Variants in SAP30BP observed in about 807,000 individuals in gnomAD.
SAP30BP encodes the protein SAP30 binding protein.
In SAP30BP, 31 loss-of-function variants were observed where a neutral mutation model predicts 46.3. The ratio of observed to expected loss-of-function variants is 0.67; its 90% CI spans 0.50 to 0.90. The LOEUF (loss-of-function observed/expected upper bound fraction) is 0.90, where lower values mean the gene tolerates loss of function less well. Ranked by LOEUF, SAP30BP falls within the 40% of genes least tolerant of loss-of-function variation. SAP30BP has a pLI of 0.00. For missense variants in SAP30BP, 312 were observed against 391.0 expected (o/e 0.80, Z 1.70); for synonymous variants, 169 against 144.2 (o/e 1.17, Z -1.23).
At chr17:75,689,985 G>A (rs1179894752) in intron 3 of SAP30BP, among the ~76,000 whole-genome samples, 1 of 152,108 alleles carries the variant, frequency 6.6e-6, no homozygotes, top group Non-Finnish European at 1.5e-5. Context: ...GGGAGGTGAG[G>A]AATGAAAAAT....
intron 8 of SAP30BP, 126 bp from the exon 9 acceptor site, chr17:75,704,630 G>C: frequency 1.3e-6 from 1 of 756,896 alleles, no homozygotes; most frequent in Admixed American, 1.9e-5. Context: ...ATTTTGCCAA[G>C]CACAAAGAAC....
At chr17:75,670,087 G>A (rs2059886107) in intron 2 of SAP30BP, among the ~76,000 whole-genome samples, 1 of 152,172 alleles carries the variant, frequency 6.6e-6, no homozygotes, top group Admixed American at 6.5e-5. Flanking sequence ...ACTTTGGGAG[G>A]CTGAGGTGGG....
rs1397824377 is a variant in SAP30BP, at chr17:75,668,646, C to T, written c.216+21C>T. On this transcript the variant is annotated intron_variant, in intron 2 of 10. Transcript: ENST00000584667. ...AGTCGGTAGGTAAATCTCCCAGATC[C>T]AGAGCTACTGAAAGCACAATTTCAT... 7 of 1,460,112 alleles carry T rather than the reference C, an allele frequency of 4.8e-6. 1 individual carries two copies. Among genetic ancestry groups the T allele is most frequent in the Non-Finnish European group, 9.5e-7 (1 of 1,048,900 alleles). 90.4% of individuals were successfully genotyped at this position (1,460,112 alleles called of 1,614,324 possible).
At chr17:75,677,377 A>G (rs1219060251) in intron 3 of SAP30BP, among the ~76,000 whole-genome samples, 3 of 151,172 alleles carry the variant, frequency 2.0e-5, no homozygotes, top group Admixed American at 2.0e-4. Flanking sequence ...TGCTGGGATT[A>G]CAGATGTGAG....
At chr17:75,674,690 G>GTTGTTTTTTTTTTTTT (rs2059958458) in intron 3 of SAP30BP, among the ~76,000 whole-genome samples, 1 of 39,578 alleles carries the variant, frequency 2.5e-5, no homozygotes, top group African/African-American at 6.6e-5. Context: ...TTTTTTGTTT[G>GTTGTTTTTTTTTTTTT]TTTTTTGTTT....
At chr17:75,702,594 G>T in intron 6 of SAP30BP, 23 bp downstream of exon 6, 2 of 1,139,814 alleles carry the variant, frequency 1.8e-6, no homozygotes, top group South Asian at 1.3e-5. Flanking sequence ...TGAGCCTGCA[G>T]AGTTTATTGA....
chr17:75,688,093 T>A (rs1200463584), intron 3 of SAP30BP, among the ~76,000 whole-genome samples: 2 of 152,150 alleles, frequency 1.3e-5, no homozygotes, highest in Non-Finnish European at 2.9e-5. Context: ...AGAGGAAGGC[T>A]TCCCTGGGCT....
At position 75,706,158 on chromosome 17, in the gene SAP30BP, G is replaced by A; in HGVS notation, c.745+66G>A. ...AGCCAGGGTCTCCCTGGCTTGTTTG[G>A]GCGACAGACAGCACGTGGATCTGGG... On this transcript the variant is annotated intron_variant, in intron 10 of 10. Coordinates refer to ENST00000584667, the MANE Select transcript of SAP30BP (RefSeq NM_013260.8). This position sits in a 1 kb window ranked among gnomAD's most constrained non-coding sequence, Gnocchi z 4.6. The A allele has an allele frequency of 6.3e-7, 1 of 1,576,870 alleles. No homozygotes were observed. The highest frequency in any genetic ancestry group is 8.6e-7 in the Non-Finnish European group (1 of 1,162,978).
In SAP30BP at chr17:75,667,386, A is replaced by G. The variant is rs1219405094; in HGVS notation, c.14A>G (p.Lys5Arg). The change falls in exon 1 of 11, where the codon AAG becomes AGG. Residue 5 changes from lysine (K) to arginine (R), a missense_variant. Lys to Arg is a conservative substitution (Grantham distance 26). Transcript: ENST00000584667. Reference sequence around the variant, plus strand: ...TGTGGGAATAAGATGGCGGGGAAGAAGAATGTTCTGTCGTCTCTCGCAGTT... The same window carrying G: ...TGTGGGAATAAGATGGCGGGGAAGAGGAATGTTCTGTCGTCTCTCGCAGTT... MAGK[K>R]NVLSSLAVYA... The G allele has an allele frequency of 6.2e-7, 1 of 1,614,224 alleles. No individual in the cohort carries two copies. Among genetic ancestry groups the G allele is most frequent in the Non-Finnish European group, 8.5e-7 (1 of 1,180,038 alleles).
chr17:75,682,735 G>A (rs1038037637), intron 3 of SAP30BP, among the ~76,000 whole-genome samples: 5 of 151,740 alleles, frequency 3.3e-5, no homozygotes, highest in Non-Finnish European at 5.9e-5. Flanking sequence ...AGGCCAAGGC[G>A]GGCGAATCAC....
At chr17:75,698,151 G>A (rs576910835) in intron 4 of SAP30BP, among the ~76,000 whole-genome samples, 1 of 152,342 alleles carries the variant, frequency 6.6e-6, no homozygotes, top group African/African-American at 2.4e-5. Flanking sequence ...GTGCCGGGGT[G>A]GCCCAAGGCT....
Position 75,707,308 on chromosome 17 carries a change from G to C in SAP30BP, c.*787G>C, listed in dbSNP as rs191551152. The C allele has an allele frequency of 6.5e-6, 1 of 152,706 alleles. No homozygotes were observed. Among genetic ancestry groups the C allele is most frequent in the African/African-American group, 2.4e-5 (1 of 41,586 alleles). 9.5% of individuals were successfully genotyped at this position (152,706 alleles called of 1,614,324 possible). A position where few individuals can be genotyped will look rare whatever the true frequency, so the allele number is the denominator to read the frequency against. ...GCGGCAGCTCATTGTTTACAGGCAA[G>C]CCCTGCTCCTGGGAGGGCTCCTGCC... On this transcript the variant is annotated 3_prime_UTR_variant, in exon 11 of 11. Transcript: ENST00000584667.
chr17:75,684,250 A>G (rs980015233), intron 3 of SAP30BP, among the ~76,000 whole-genome samples: 6 of 152,158 alleles, frequency 3.9e-5, no homozygotes, highest in Admixed American at 2.6e-4. Context: ...AATAATGTCT[A>G]CCTCATAGGG....
At chr17:75,673,384 G>A (rs561878851) in intron 3 of SAP30BP, among the ~76,000 whole-genome samples, 1 of 152,176 alleles carries the variant, frequency 6.6e-6, no homozygotes, top group Non-Finnish European at 1.5e-5. Flanking sequence ...CTCTCCTCGG[G>A]CTTGCAGAAC....
chr17:75,668,442 A>AT (rs1246204490), intron 1 of SAP30BP, 74 bp from the exon 2 acceptor site: 4 of 928,276 alleles, frequency 4.3e-6, no homozygotes, highest in Non-Finnish European at 4.8e-6. Context: ...ATCTCTGGAC[A>AT]TTTTTTCTTA....
chr17:75,667,890 G>A (rs531329568), intron 1 of SAP30BP, among the ~76,000 whole-genome samples: 1 of 152,278 alleles, frequency 6.6e-6, no homozygotes, highest in East Asian at 1.9e-4. Flanking sequence ...ACACATCTTG[G>A]AGCTTTTAAA....
intron 5 of SAP30BP, chr17:75,700,143 A>G (rs927298038): frequency 2.0e-5 from 5 of 253,180 alleles, no homozygotes; most frequent in Admixed American, 5.3e-5. Context: ...AGAGACAGAG[A>G]AAAGAACGTA....
intron 4 of SAP30BP, among the ~76,000 whole-genome samples, chr17:75,693,917 G>T (rs996585627): frequency 2.0e-5 from 3 of 152,226 alleles, no homozygotes; most frequent in Non-Finnish European, 2.9e-5. Context: ...ATGCCTCACA[G>T]CCCTGGAGTC....
At chr17:75,692,530 G>A (rs2060255981) in intron 3 of SAP30BP, 20 of 985,258 alleles carry the variant, frequency 2.0e-5, no homozygotes, top group Non-Finnish European at 2.4e-5. Context: ...GGAAACAGGT[G>A]TGTTCTTGCC....
Sources: allele counts gnomAD v4.1 joint callset (sites outside exome capture counted in the v4.1 genomes callset), GRCh38; gene constraint gnomAD v4.1.1; non-coding constraint Gnocchi (gnomAD v3.1); transcripts MANE v1.5; gene names NCBI Gene and HGNC (gene_info 2026-07-23, HGNC 2026-07-21).